The following PCDH15 variants were observed in gnomAD, a reference collection of about 807,000 sequenced individuals.
PCDH15 encodes protocadherin-15.
In PCDH15, 129 loss-of-function variants were observed where a neutral mutation model predicts 178.5. The ratio of observed to expected loss-of-function variants is 0.72; its 90% CI spans 0.63 to 0.84. The LOEUF (loss-of-function observed/expected upper bound fraction) is 0.84, where lower values mean the gene tolerates loss of function less well. Among genes scored for constraint, PCDH15 ranks in the 40% least tolerant of loss-of-function variants. The pLI, the probability that PCDH15 is intolerant of heterozygous loss-of-function variation, is 0.00. For synonymous variants in PCDH15, 800 were observed against 732.0 expected (o/e 1.09, Z -1.50); for missense variants, 2,230 against 2,099.9 (o/e 1.06, Z -1.21).
intron 3 of PCDH15, among the ~76,000 whole-genome samples, chr10:54,512,012 C>T (rs1014674037): frequency 4.6e-5 from 7 of 151,852 alleles, no homozygotes; most frequent in Admixed American, 4.6e-4. Flanking sequence ...ATAATGAAAA[C>T]CCAGAGATTT....
intron 2 of PCDH15, among the ~76,000 whole-genome samples, chr10:55,005,756 T>G (rs1405422308): frequency 6.6e-6 from 1 of 152,040 alleles, no homozygotes; most frequent in African/African-American, 2.4e-5. Flanking sequence ...GCCATAATGA[T>G]GTAATAACAA....
intron 2 of PCDH15, among the ~76,000 whole-genome samples, chr10:55,486,790 A>AT (rs36014386): frequency 0.35 from 52,377 of 151,284 alleles, 9,298 homozygotes; most frequent in East Asian, 0.49. Context: ...TACAAGTGTG[A>AT]TTCACTGCAC....
At chr10:54,452,745 G>T (rs1358260932) in intron 3 of PCDH15, among the ~76,000 whole-genome samples, 3 of 152,066 alleles carry the variant, frequency 2.0e-5, no homozygotes, top group Non-Finnish European at 2.9e-5. Flanking sequence ...ATATGAGAGG[G>T]TCTGAATTCT....
At chr10:55,598,175 G>C (rs1300686215) in intron 2 of PCDH15, among the ~76,000 whole-genome samples, 2 of 151,966 alleles carry the variant, frequency 1.3e-5, no homozygotes, top group African/African-American at 4.8e-5. Context: ...ATAAAACTCG[G>C]CATAAAGAGT....
chr10:54,738,625 T>C (rs1022240253), intron 1 of PCDH15, among the ~76,000 whole-genome samples: 4 of 151,888 alleles, frequency 2.6e-5, no homozygotes, highest in Non-Finnish European at 5.9e-5. Flanking sequence ...TAATCCAATA[T>C]CTCTTATAAA....
intron 2 of PCDH15, among the ~76,000 whole-genome samples, chr10:55,368,263 T>C (rs1845415190): frequency 6.6e-6 from 1 of 152,142 alleles, no homozygotes; most frequent in Non-Finnish European, 1.5e-5. Flanking sequence ...ACACATAACA[T>C]CATTTTATAT....
intron 2 of PCDH15, among the ~76,000 whole-genome samples, chr10:54,905,398 G>C (rs756287122): frequency 3.0e-4 from 46 of 152,098 alleles, no homozygotes; most frequent in Admixed American, 9.2e-4. Flanking sequence ...GAATTTGTTT[G>C]ATAAATTATG....
intron 8 of PCDH15, among the ~76,000 whole-genome samples, chr10:54,266,226 AAATT>A (rs1354187641): frequency 6.6e-6 from 1 of 151,764 alleles, no homozygotes; most frequent in African/African-American, 2.4e-5. Context: ...GTAAACAAGA[AAATT>A]AAGGCAGAAA....
chr10:55,588,420 G>A (rs531375007), intron 2 of PCDH15, among the ~76,000 whole-genome samples: 8 of 152,150 alleles, frequency 5.3e-5, no homozygotes, highest in Non-Finnish European at 8.8e-5. Context: ...AATATGGATC[G>A]TAGTTTGTAT....
chr10:54,282,505 A>T (rs2058761676), intron 8 of PCDH15, among the ~76,000 whole-genome samples: 1 of 152,074 alleles, frequency 6.6e-6, no homozygotes, highest in Non-Finnish European at 1.5e-5. Context: ...AAACAACTTC[A>T]TTTCCTGCTT....
At chr10:55,158,627 A>G (rs1001722563) in intron 2 of PCDH15, among the ~76,000 whole-genome samples, 2 of 151,874 alleles carry the variant, frequency 1.3e-5, no homozygotes, top group African/African-American at 4.8e-5. Context: ...AAAAGCTTTT[A>G]AAGTGACAAA....
chr10:55,617,563 C>T (rs1843504542), intron 2 of PCDH15, among the ~76,000 whole-genome samples: 2 of 152,002 alleles, frequency 1.3e-5, no homozygotes, highest in African/African-American at 4.8e-5. Flanking sequence ...CCAGATAATT[C>T]CATGGCAGGG....
upstream of PCDH15, among the ~76,000 whole-genome samples, chr10:55,322,551 T>G (rs1843926106): frequency 6.6e-6 from 1 of 152,058 alleles, no homozygotes; most frequent in Non-Finnish European, 1.5e-5. Context: ...AAAATGCTGA[T>G]AGTGATATAG....
intron 1 of PCDH15, among the ~76,000 whole-genome samples, chr10:55,260,596 AAAG>A (rs1055616936): frequency 1.4e-4 from 21 of 152,304 alleles, no homozygotes; most frequent in Admixed American, 1.0e-3. Flanking sequence ...ATCTTAAAAA[AAAG>A]AAGATTAGTT....
rs187664193 is a variant in PCDH15, at chr10:55,361,759, C to T, written c.-155-195108G>A. On this transcript the variant is annotated intron_variant, in intron 2 of 5. Transcript: ENST00000613346. ...ACTGTCATTTATTTATATCTTTTAT[C>T]TTTCAAGCCTTACTATCAGACCAAT... 2.2e-3 allele frequency among the ~76,000 whole-genome samples: 335 copies of T among 152,092 alleles called. 3 individuals are homozygous for T. The highest frequency in any genetic ancestry group is 7.7e-3 in the African/African-American group (319 of 41,534).
intron 25 of PCDH15, among the ~76,000 whole-genome samples, chr10:53,912,226 G>T (rs1356012690): frequency 6.6e-6 from 1 of 152,036 alleles, no homozygotes; most frequent in East Asian, 1.9e-4. Flanking sequence ...TGCAGAAAAG[G>T]CCTTTGACAA....
intron 26 of PCDH15, among the ~76,000 whole-genome samples, chr10:53,885,508 A>C (rs532221160): frequency 3.3e-5 from 5 of 152,274 alleles, no homozygotes; most frequent in African/African-American, 1.2e-4. Flanking sequence ...TTTGTTTCTC[A>C]GGACTTCATG....
intron 14 of PCDH15, among the ~76,000 whole-genome samples, chr10:54,148,002 A>G (rs2044155293): frequency 6.6e-6 from 1 of 152,030 alleles, no homozygotes; most frequent in Non-Finnish European, 1.5e-5. Context: ...TAAATTATGC[A>G]AAAGTCATGA....
chr10:55,366,461 T>C (rs186392604), intron 2 of PCDH15, among the ~76,000 whole-genome samples: 1 of 152,256 alleles, frequency 6.6e-6, no homozygotes, highest in Admixed American at 6.5e-5. Flanking sequence ...GATAATAAAA[T>C]GTTTCTTTTT....
Sources: gnomAD v4.1 joint callset for allele counts (sites outside exome capture counted in the v4.1 genomes callset) on GRCh38, gnomAD v4.1.1 for gene constraint, MANE v1.5 for transcripts, NCBI Gene and HGNC (gene_info 2026-07-23, HGNC 2026-07-21) for gene names.